Variants in SAMMSON observed in about 807,000 individuals in gnomAD.
The protein encoded by SAMMSON is survival associated mitochondrial melanoma specific oncogenic non-coding RNA, also known as long intergenic non-protein coding RNA 1212.
chr3:70,132,917 G>A (rs571871077), intron 4 of SAMMSON, among the ~76,000 whole-genome samples: 5 of 152,224 alleles, frequency 3.3e-5, no homozygotes, highest in African/African-American at 1.2e-4. Context: ...TCCCATCGCT[G>A]ACTTAGACAT....
chr3:70,405,861 A>G (rs1019353206), intron 2 of SAMMSON, among the ~76,000 whole-genome samples: 1 of 152,218 alleles, frequency 6.6e-6, no homozygotes, highest in Non-Finnish European at 1.5e-5. Flanking sequence ...AATAATGTGT[A>G]GGATAAAAAT....
chr3:70,417,879 C>T (rs780493381), intron 2 of SAMMSON, among the ~76,000 whole-genome samples: 52 of 152,112 alleles, frequency 3.4e-4, no homozygotes, highest in Non-Finnish European at 1.0e-4. Flanking sequence ...TATTGCAAGT[C>T]CTGAAAGGCA....
intron 2 of SAMMSON, among the ~76,000 whole-genome samples, chr3:70,406,367 T>C (rs1038748073): frequency 1.3e-5 from 2 of 152,200 alleles, no homozygotes; most frequent in East Asian, 3.8e-4. Context: ...CTATAGGTTT[T>C]AGACAAAATC....
chr3:70,217,844 T>C (rs983726115), intron 4 of SAMMSON, among the ~76,000 whole-genome samples: 14 of 152,130 alleles, frequency 9.2e-5, no homozygotes, highest in Admixed American at 2.0e-4. Flanking sequence ...GGGGGTGACA[T>C]ACTGTTGGAT....
At chr3:70,006,821 C>T (rs867499052) in intron 1 of SAMMSON, among the ~76,000 whole-genome samples, 3 of 134,810 alleles carry the variant, frequency 2.2e-5, no homozygotes, top group Admixed American at 7.9e-5. Context: ...CAACAGGCCC[C>T]GGTGTGTGAT....
chr3:70,344,786 C>T (rs1275631188), intron 7 of SAMMSON, among the ~76,000 whole-genome samples: 3 of 152,136 alleles, frequency 2.0e-5, no homozygotes, highest in South Asian at 2.1e-4. Flanking sequence ...ACACCCCTGT[C>T]GCAAGTCCTG....
rs200375348 is a variant in SAMMSON at position 70,366,597 on chromosome 3, A to T, written n.913+8273A>T. On this transcript the variant is annotated intron_variant and non_coding_transcript_variant, in intron 9 of 9. Coordinates refer to ENST00000642114, the Ensembl canonical transcript of SAMMSON. ...GTTTATTAATTCTCCAATGAAGGAC[A>T]TCTTGGTGGTTACCATGTTTTAGCA... Among the ~76,000 whole-genome samples, 25 of 148,594 alleles carry T rather than the reference A, an allele frequency of 1.7e-4. No individual in the cohort carries two copies. In the East Asian group the frequency reaches 4.4e-3, roughly 26 times the overall value.
intron 2 of SAMMSON, among the ~76,000 whole-genome samples, chr3:70,415,572 T>C (rs1701257802): frequency 6.6e-6 from 1 of 152,186 alleles, no homozygotes; most frequent in African/African-American, 2.4e-5. Context: ...GCAGTAGTTA[T>C]TAGCCTGTGA....
At chr3:70,377,994 TTGTTTA>T (rs1703035451) in intron 9 of SAMMSON, among the ~76,000 whole-genome samples, 1 of 152,002 alleles carries the variant, frequency 6.6e-6, no homozygotes. Flanking sequence ...GATGGTGGGA[TTGTTTA>T]TTGGTATACA....
At chr3:70,289,701 C>G (rs900216789) in intron 6 of SAMMSON, among the ~76,000 whole-genome samples, 1 of 152,190 alleles carries the variant, frequency 6.6e-6, no homozygotes, top group Non-Finnish European at 1.5e-5. Flanking sequence ...GTACACCAAT[C>G]AGACCTAGAT....
At chr3:70,430,819 G>A (rs1011972050) in intron 2 of SAMMSON, among the ~76,000 whole-genome samples, 2 of 152,098 alleles carry the variant, frequency 1.3e-5, no homozygotes, top group African/African-American at 4.8e-5. Context: ...TTTAGCATTT[G>A]TGCCTCAATT....
chr3:70,303,123 A>T (rs1702366227), intron 7 of SAMMSON, among the ~76,000 whole-genome samples: 1 of 152,222 alleles, frequency 6.6e-6, no homozygotes, highest in Non-Finnish European at 1.5e-5. Context: ...TCAACAGCAC[A>T]TATCACGTAA....
intron 4 of SAMMSON, among the ~76,000 whole-genome samples, chr3:70,144,964 C>G (rs980035717): frequency 1.3e-5 from 2 of 152,080 alleles, no homozygotes; most frequent in Non-Finnish European, 2.9e-5. Context: ...TTACTGTCTG[C>G]TTAAATGTCT....
intron 3 of SAMMSON, among the ~76,000 whole-genome samples, chr3:70,028,112 C>CCTTCCTTCCTTCCTTCCTTCCCTCCCTT (rs1202617997): frequency 1.6e-4 from 22 of 138,194 alleles, no homozygotes; most frequent in African/African-American, 5.4e-4. Flanking sequence ...TTCCTTCCTT[C>CCTTCCTTCCTTCCTTCCTTCCCTCCCTT]CCTTCCTTCC....
intron 6 of SAMMSON, among the ~76,000 whole-genome samples, chr3:70,252,157 G>A (rs988813543): frequency 7.2e-5 from 11 of 152,194 alleles, no homozygotes; most frequent in Admixed American, 4.6e-4. Flanking sequence ...TATGAGTCAT[G>A]TGTAATTGAC....
rs1387801765 is a variant in SAMMSON, at chr3:70,289,982, C to T, written n.675-1197C>T. ...TCTTCTAAATTCTTTTCAAAGTTTT[C>T]AACTTCTTTGCCTTTGGTTTGAATG... On this transcript the variant is annotated intron_variant and non_coding_transcript_variant, in intron 6 of 9. Transcript: ENST00000642114. Among the ~76,000 whole-genome samples the T allele has an allele frequency of 2.0e-5, 3 of 152,114 alleles. No homozygotes were observed. The East Asian group carries it at 5.8e-4, about 29-fold the overall frequency.
chr3:70,062,327 T>C (rs556592741), intron 3 of SAMMSON, among the ~76,000 whole-genome samples: 2 of 152,234 alleles, frequency 1.3e-5, no homozygotes, highest in Non-Finnish European at 1.5e-5. Flanking sequence ...CCTGACATTA[T>C]ATTAAGTAGA....
At chr3:70,381,123 G>C (rs368022313) in intron 9 of SAMMSON, among the ~76,000 whole-genome samples, 96 of 152,254 alleles carry the variant, frequency 6.3e-4, no homozygotes, top group African/African-American at 2.2e-3. Context: ...AGAATTTGTT[G>C]TATGGTAGAG....
At chr3:70,124,600 C>T in intron 4 of SAMMSON, among the ~76,000 whole-genome samples, 1 of 151,940 alleles carries the variant, frequency 6.6e-6, no homozygotes, top group East Asian at 1.9e-4. Flanking sequence ...ATCACAAGGT[C>T]AGGAGATCAA....
Sources: allele counts gnomAD v4.1 joint callset (sites outside exome capture counted in the v4.1 genomes callset), GRCh38; gene constraint gnomAD v4.1.1; transcripts MANE v1.5; gene names NCBI Gene and HGNC (gene_info 2026-07-23, HGNC 2026-07-21).